The following C10orf67 variants were observed in gnomAD, a reference collection of about 807,000 sequenced individuals.
C10orf67 encodes uncharacterized protein C10orf67, mitochondrial.
A neutral mutation model predicts 35.6 loss-of-function variants in C10orf67; 60 were observed. The ratio of observed to expected loss-of-function variants is 1.68; its 90% CI spans 1.37 to 2.09. The LOEUF (loss-of-function observed/expected upper bound fraction) is 2.09. Among genes scored for constraint, C10orf67 ranks in the 30% most tolerant of loss-of-function variants. The pLI is 0.00. For synonymous variants in C10orf67, 167 were observed against 115.8 expected (o/e 1.44, Z -2.84); for missense variants, 474 against 330.2 (o/e 1.44, Z -3.38).
intron 15 of C10orf67, among the ~76,000 whole-genome samples, chr10:23,219,701 A>G (rs536139694): frequency 1.3e-5 from 2 of 152,360 alleles, no homozygotes; most frequent in East Asian, 1.9e-4. Flanking sequence ...AACTTGCAAC[A>G]TAACAAAAAA....
At chr10:23,225,763 A>G (rs571436243) in intron 13 of C10orf67, among the ~76,000 whole-genome samples, 20 of 152,264 alleles carry the variant, frequency 1.3e-4, no homozygotes, top group African/African-American at 3.9e-4. Flanking sequence ...AAGTTCAAAA[A>G]AGACAAAGCA....
intron 8 of C10orf67, among the ~76,000 whole-genome samples, chr10:23,279,847 A>C (rs1213470848): frequency 6.6e-6 from 1 of 151,326 alleles, no homozygotes; most frequent in Non-Finnish European, 1.5e-5. Context: ...TAAATAAATA[A>C]ATATTTATCT....
intron 13 of C10orf67, among the ~76,000 whole-genome samples, chr10:23,237,056 A>G (rs944422333): frequency 1.3e-5 from 2 of 152,036 alleles, no homozygotes; most frequent in African/African-American, 2.4e-5. Flanking sequence ...TCCACCCTCA[A>G]GTAGGCCCCC....
intron 15 of C10orf67, among the ~76,000 whole-genome samples, chr10:23,220,768 G>A (rs529467835): frequency 1.3e-5 from 2 of 152,196 alleles, no homozygotes; most frequent in Non-Finnish European, 2.9e-5. Context: ...AAGTAAAAAC[G>A]TGAAAGGCAT....
intron 13 of C10orf67, among the ~76,000 whole-genome samples, chr10:23,234,956 G>C (rs1842006621): frequency 1.5e-5 from 2 of 137,404 alleles, no homozygotes; most frequent in Middle Eastern, 5.4e-3. Context: ...AGGTTGCGGT[G>C]AGCCGAGATC....
At chr10:23,228,236 C>A (rs10828416) in intron 13 of C10orf67, among the ~76,000 whole-genome samples, 14,458 of 151,966 alleles carry the variant, frequency 0.095, 1,557 homozygotes, top group East Asian at 0.62. Context: ...TGGTACCAAA[C>A]CAGAGATATA....
intron 15 of C10orf67, among the ~76,000 whole-genome samples, chr10:23,209,140 G>C (rs371823651): frequency 2.6e-5 from 4 of 152,170 alleles, no homozygotes; most frequent in Admixed American, 2.0e-4. Flanking sequence ...GAGAGGGAGG[G>C]GTTACGAATG....
intron 13 of C10orf67, among the ~76,000 whole-genome samples, chr10:23,237,151 T>C (rs2132133046): frequency 6.6e-6 from 1 of 152,314 alleles, no homozygotes; most frequent in Middle Eastern, 3.4e-3. Context: ...TTTCTGCTTC[T>C]GTGTTAGGTC....
At chr10:23,299,592 TAGTGGCTGGGAGA>T (rs1317608511) in intron 5 of C10orf67, among the ~76,000 whole-genome samples, 2 of 152,136 alleles carry the variant, frequency 1.3e-5, no homozygotes, top group Non-Finnish European at 2.9e-5. Flanking sequence ...AGTCACAACT[TAGTGGCTGGGAGA>T]AGTATCTAGT....
At chr10:23,327,814 G>C (rs952125585) in intron 2 of C10orf67, among the ~76,000 whole-genome samples, 3 of 151,494 alleles carry the variant, frequency 2.0e-5, no homozygotes, top group African/African-American at 7.3e-5. Flanking sequence ...GACAGGGCAA[G>C]ACTCCATCTC....
chr10:23,227,761 T>G (rs1413507028), intron 13 of C10orf67, among the ~76,000 whole-genome samples: 2 of 152,184 alleles, frequency 1.3e-5, no homozygotes, highest in Admixed American at 1.3e-4. Context: ...AAAATCAATG[T>G]GCAAAAATAA....
intron 4 of C10orf67, among the ~76,000 whole-genome samples, chr10:23,306,237 G>A (rs565969620): frequency 3.9e-5 from 6 of 152,134 alleles, no homozygotes; most frequent in African/African-American, 1.4e-4. Flanking sequence ...TAGAACGGTG[G>A]TTGACAGGCT....
intron 10 of C10orf67, among the ~76,000 whole-genome samples, chr10:23,255,387 G>C (rs940408090): frequency 6.6e-6 from 1 of 152,152 alleles, no homozygotes; most frequent in African/African-American, 2.4e-5. Context: ...TTGCCAAAGG[G>C]CTCGGAGGCA....
At chr10:23,272,771 A>G (rs1843065252) in intron 8 of C10orf67, among the ~76,000 whole-genome samples, 1 of 152,218 alleles carries the variant, frequency 6.6e-6, no homozygotes, top group Non-Finnish European at 1.5e-5. Flanking sequence ...TAATCTATAA[A>G]TCAATCTGGA....
intron 8 of C10orf67, among the ~76,000 whole-genome samples, chr10:23,271,426 G>T (rs1425029873): frequency 6.6e-6 from 1 of 152,146 alleles, no homozygotes; most frequent in African/African-American, 2.4e-5. Flanking sequence ...TTTATCTTGG[G>T]TAAATACCAA....
rs556739120 is a variant in C10orf67, at chr10:23,275,282, C to T, written c.975+6731G>A. Among the ~76,000 whole-genome samples, 10 of 152,196 alleles carry T rather than the reference C, an allele frequency of 6.6e-5. No individual in the cohort carries two copies. The East Asian group carries it at 1.5e-3, about 23-fold the overall frequency. On this transcript the variant is annotated intron_variant, in intron 8 of 15. Coordinates refer to ENST00000636213, the MANE Select transcript of C10orf67 (RefSeq NM_001371909.1). ...GGAGGATTGCTTGAGCACAGGAGTT[C>T]GAGATCAGCTTATGCAACCTATCAA...
chr10:23,320,619 C>T lies in C10orf67; in HGVS notation c.546+122G>A, dbSNP rs967086502. 3.5e-5 allele frequency: 24 copies of T among 684,136 alleles called. No individual in the cohort carries two copies. In the East Asian group the frequency reaches 5.2e-4, roughly 15 times the overall value. The allele number at this position is 684,136 out of a possible 1,614,324, so 42.4% of individuals were successfully genotyped here. ...GATCCCTCTAAGGTGACCTGAAAAT[C>T]GAGGAAACAGGCCTTCAGAGCTGGA... On this transcript the variant is annotated intron_variant, in intron 4 of 15. Coordinates refer to ENST00000636213, the MANE Select transcript of C10orf67 (RefSeq NM_001371909.1).
At chr10:23,267,320 A>T in intron 8 of C10orf67, 66 bp from the exon 9 acceptor site, 1 of 657,418 alleles carries the variant, frequency 1.5e-6, no homozygotes, top group East Asian at 2.7e-5. Context: ...AATTTTCTAT[A>T]AAACTTCTAT....
chr10:23,240,433 C>CA (rs1842152324), intron 12 of C10orf67, among the ~76,000 whole-genome samples: 1 of 152,152 alleles, frequency 6.6e-6, no homozygotes, highest in Non-Finnish European at 1.5e-5. Flanking sequence ...ACAAAGTCAT[C>CA]AAAGGTTATG....
Sources: allele counts gnomAD v4.1 joint callset (sites outside exome capture counted in the v4.1 genomes callset), GRCh38; gene constraint gnomAD v4.1.1; transcripts MANE v1.5; gene names NCBI Gene and HGNC (gene_info 2026-07-23, HGNC 2026-07-21).